Variants in DMD observed in about 807,000 individuals in gnomAD.
DMD encodes the protein dystrophin.
DMD carries 63 observed loss-of-function variants against 330.1 expected under a neutral mutation model. That is an observed-to-expected ratio of 0.19 (90% CI 0.16 to 0.24). The LOEUF is 0.24. Among genes scored for constraint, DMD ranks in the 10% least tolerant of loss-of-function variants. The pLI, the probability that DMD is intolerant of heterozygous loss-of-function variation, is 1.00. For missense variants in DMD, 3,344 were observed against 2,684.1 expected, an observed-to-expected ratio of 1.25 and a Z score of -5.43; for synonymous variants, 1,223 against 959.8, an observed-to-expected ratio of 1.27 and a Z score of -5.07.
At chrX:31,554,457 G>T (rs1422186016) in intron 55 of DMD, among the ~76,000 whole-genome samples, 1 of 111,373 alleles carries the variant, frequency 9.0e-6, no homozygotes, top group African/African-American at 3.3e-5. Context: ...GCTGGTATCT[G>T]GTTGGGAGAA....
At chrX:32,406,760 C>G (rs2098119121) in intron 30 of DMD, among the ~76,000 whole-genome samples, 2 of 111,199 alleles carry the variant, frequency 1.8e-5, no homozygotes, top group South Asian at 3.8e-4. Context: ...CAGCATGGTA[C>G]TGGTACCAAA....
At chrX:31,293,789 C>T (rs975364321) in intron 62 of DMD, among the ~76,000 whole-genome samples, 3 of 112,030 alleles carry the variant, frequency 2.7e-5, no homozygotes, top group Non-Finnish European at 5.6e-5. Flanking sequence ...ATTGTCCTAT[C>T]AGTTAATCGA....
intron 1 of DMD, among the ~76,000 whole-genome samples, chrX:33,229,053 T>C (rs780108626): frequency 1.8e-5 from 2 of 110,962 alleles, no homozygotes; most frequent in African/African-American, 3.3e-5. Context: ...GCTCATTTCC[T>C]AATTAATTTA....
At chrX:32,306,843 C>T (rs186445541) in intron 42 of DMD, among the ~76,000 whole-genome samples, 207 of 110,751 alleles carry the variant, frequency 1.9e-3, no homozygotes, top group African/African-American at 6.7e-3. Flanking sequence ...TCTGCTCTAC[C>T]ATAAAGAATA....
intron 6 of DMD, among the ~76,000 whole-genome samples, chrX:32,814,381 A>G (rs978033114): frequency 1.8e-5 from 2 of 112,382 alleles, no homozygotes; most frequent in African/African-American, 6.4e-5. Context: ...CTTATGCTCT[A>G]TATTAACTAC....
chrX:32,930,591 C>G (rs1279844360), intron 2 of DMD, among the ~76,000 whole-genome samples: 1 of 110,533 alleles, frequency 9.0e-6, no homozygotes, highest in Non-Finnish European at 1.9e-5. Context: ...TTCACCCAAG[C>G]ATTCAAGATT....
At chrX:32,387,420 G>T (rs780940985) in intron 32 of DMD, among the ~76,000 whole-genome samples, 1 of 110,891 alleles carries the variant, frequency 9.0e-6, no homozygotes, top group Admixed American at 9.6e-5. Flanking sequence ...AATTTGTTTA[G>T]TCATAAATCT....
intron 2 of DMD, among the ~76,000 whole-genome samples, chrX:32,868,207 C>T (rs1212508141): frequency 8.9e-6 from 1 of 112,145 alleles, no homozygotes; most frequent in Non-Finnish European, 1.9e-5. Context: ...TTCCACAGAT[C>T]TGTGCAACCC....
Position 31,271,247 on chromosome X carries a change from T to C in DMD, c.9225-10231A>G, listed in dbSNP as rs185324609. ...AGTCTTGAACATAATGAATTGGAGG[T>C]GGTGATGTAAAAGTGCAGGTATCCA... On this transcript the variant is annotated intron_variant, in intron 62 of 78. Transcript: ENST00000357033. Among the ~76,000 whole-genome samples, 843 of 110,074 alleles carry C rather than the reference T, an allele frequency of 7.7e-3. 53 individuals are homozygous for C. The East Asian group carries it at 0.15, about 19-fold the overall frequency.
chrX:32,354,309 C>A (rs1433857641), intron 37 of DMD, among the ~76,000 whole-genome samples: 6 of 111,234 alleles, frequency 5.4e-5, no homozygotes, highest in Non-Finnish European at 1.1e-4. Context: ...TTCCATTCTG[C>A]AGCTTTGAAA....
chrX:31,707,989 T>C (rs2148896372), intron 52 of DMD, among the ~76,000 whole-genome samples: 1 of 112,065 alleles, frequency 8.9e-6, no homozygotes, highest in East Asian at 2.8e-4. Context: ...TTCTAAATTG[T>C]GTTCAAATTT....
intron 16 of DMD, 59 bp downstream of exon 16, chrX:32,565,643 T>C: frequency 9.0e-7 from 1 of 1,116,208 alleles, no homozygotes; most frequent in Non-Finnish European, 1.2e-6. Flanking sequence ...GTCACTCTCT[T>C]AATGCAGGTT....
At chrX:32,382,345 T>C (rs1024368298) in intron 33 of DMD, among the ~76,000 whole-genome samples, 8 of 75,303 alleles carry the variant, frequency 1.1e-4, no homozygotes, top group African/African-American at 4.0e-4. Flanking sequence ...GATACATATA[T>C]TTATGTCATA....
intron 61 of DMD, among the ~76,000 whole-genome samples, chrX:31,326,451 A>G (rs931808655): frequency 9.0e-6 from 1 of 110,606 alleles, no homozygotes; most frequent in Admixed American, 9.6e-5. Context: ...AAATAGGTCC[A>G]ATGGTGAGAT....
intron 1 of DMD, among the ~76,000 whole-genome samples, chrX:33,233,422 G>A (rs961111784): frequency 9.0e-6 from 1 of 111,698 alleles, no homozygotes; most frequent in African/African-American, 3.3e-5. Context: ...TGAAACTGTA[G>A]GATGTCCACA....
At chrX:32,181,732 A>G (rs2096927669) in intron 44 of DMD, among the ~76,000 whole-genome samples, 1 of 111,548 alleles carries the variant, frequency 9.0e-6, no homozygotes. Flanking sequence ...CTAACAGAAA[A>G]GGATACAGTA....
intron 18 of DMD, among the ~76,000 whole-genome samples, chrX:32,514,654 C>A (rs775959515): frequency 1.8e-5 from 2 of 112,072 alleles, no homozygotes; most frequent in African/African-American, 6.5e-5. Flanking sequence ...GGCAGGAGAA[C>A]GGCGTGAACC....
At chrX:32,081,111 C>T (rs969153703) in intron 44 of DMD, among the ~76,000 whole-genome samples, 6 of 112,081 alleles carry the variant, frequency 5.4e-5, no homozygotes, top group Non-Finnish European at 1.1e-4. Flanking sequence ...TTAGGGAAGT[C>T]CCTTACCTTG....
At chrX:32,997,482 G>C (rs2093154957) in intron 2 of DMD, among the ~76,000 whole-genome samples, 1 of 111,821 alleles carries the variant, frequency 8.9e-6, no homozygotes, top group South Asian at 3.7e-4. Flanking sequence ...CTGACCTCGT[G>C]ATCTGCCTGC....
Sources: gnomAD v4.1 joint callset for allele counts (sites outside exome capture counted in the v4.1 genomes callset) on GRCh38, gnomAD v4.1.1 for gene constraint, MANE v1.5 for transcripts, NCBI Gene and HGNC (gene_info 2026-07-23, HGNC 2026-07-21) for gene names.